The following STX18 variants were observed in gnomAD, a reference collection of about 807,000 sequenced individuals.
STX18 encodes the protein syntaxin 18, also known as syntaxin-18.
In STX18, 40 loss-of-function variants were observed where a neutral mutation model predicts 50.1. The ratio of observed to expected loss-of-function variants is 0.80; its 90% CI spans 0.62 to 1.04. The LOEUF is 1.04. STX18 is among the 50% of genes least tolerant of loss of function. The probability of loss-of-function intolerance (pLI) is 0.00; values close to 1 mark genes in which losing one functional copy is unlikely to be tolerated. For synonymous variants in STX18, 158 were observed against 151.8 expected (o/e 1.04, Z -0.30); for missense variants, 410 against 415.8 (o/e 0.99, Z 0.12).
chr4:4,516,461 G>GA (rs1730272276), intron 1 of STX18, among the ~76,000 whole-genome samples: 1 of 151,988 alleles, frequency 6.6e-6, no homozygotes, highest in South Asian at 2.1e-4. Flanking sequence ...AGTTTTGGAG[G>GA]AAAAAATTGA....
At chr4:4,465,562 G>A (rs1349874197) in intron 2 of STX18, among the ~76,000 whole-genome samples, 1 of 152,110 alleles carries the variant, frequency 6.6e-6, no homozygotes, top group African/African-American at 2.4e-5. Flanking sequence ...TTATGGGAAC[G>A]CATGGACATG....
At chr4:4,454,256 T>C (rs941334875) in intron 5 of STX18, among the ~76,000 whole-genome samples, 2 of 152,224 alleles carry the variant, frequency 1.3e-5, no homozygotes, top group African/African-American at 4.8e-5. Context: ...CACATCATTA[T>C]TTCCCTCAAG....
intron 1 of STX18, among the ~76,000 whole-genome samples, chr4:4,529,319 G>A (rs767318395): frequency 4.6e-5 from 7 of 152,114 alleles, no homozygotes; most frequent in Non-Finnish European, 2.9e-5. Flanking sequence ...TCAAGATCGC[G>A]CCACTGCACT....
At chr4:4,517,563 A>C (rs921482353) in intron 1 of STX18, among the ~76,000 whole-genome samples, 1 of 152,200 alleles carries the variant, frequency 6.6e-6, no homozygotes, top group Non-Finnish European at 1.5e-5. Context: ...AAAATCTAGC[A>C]ATTTTACTAA....
chr4:4,422,199 G>C (rs191844774), intron 9 of STX18, among the ~76,000 whole-genome samples: 1 of 152,194 alleles, frequency 6.6e-6, no homozygotes, highest in African/African-American at 2.4e-5. Context: ...AGGTTCCAAT[G>C]AGAGAATCAA....
rs1724893744 is a variant in STX18 at position 4,420,680 on chromosome 4, G to A, written c.912+184C>T. On this transcript the variant is annotated intron_variant, in intron 10 of 10. Coordinates refer to ENST00000306200, the MANE Select transcript of STX18 (RefSeq NM_016930.4). The surrounding 1 kb of genome is among the most constrained non-coding windows in gnomAD (Gnocchi z 4.3). ...GAGCCACTGCCTCTCGAAAGCAGCT[G>A]GAGGTGGGCGACAGGTGGTGGGTCT... 1.7e-6 allele frequency: 1 copy of A among 595,766 alleles called. No individual in the cohort carries two copies. Among genetic ancestry groups the A allele is most frequent in the African/African-American group, 1.9e-5 (1 of 53,434 alleles). 36.9% of individuals were successfully genotyped at this position (595,766 alleles called of 1,614,324 possible). A position where few individuals can be genotyped will look rare whatever the true frequency, so the allele number is the denominator to read the frequency against.
chr4:4,476,649 A>G (rs577958180), intron 1 of STX18, among the ~76,000 whole-genome samples: 1 of 152,344 alleles, frequency 6.6e-6, no homozygotes, highest in African/African-American at 2.4e-5. Flanking sequence ...TGTAATAATG[A>G]TATTATGTAC....
At chr4:4,454,473 G>A (rs1205341468) in intron 5 of STX18, among the ~76,000 whole-genome samples, 3 of 152,196 alleles carry the variant, frequency 2.0e-5, no homozygotes, top group African/African-American at 7.2e-5. Context: ...ACTTGGGATA[G>A]TGAAGGAGAA....
Position 4,438,529 on chromosome 4 carries a change from A to G in STX18, c.498-20T>C. On this transcript the variant is annotated intron_variant, in intron 5 of 10. Transcript: ENST00000306200. The stretch of plus-strand genomic sequence containing the variant: ...TTAGATCTAAAAATAAATAATTAGC[A>G]GGCAGGTATTTTATTTCCATAACAG... 2 of 1,566,444 alleles carry G rather than the reference A, an allele frequency of 1.3e-6. No homozygotes were observed. Among genetic ancestry groups the G allele is most frequent in the Non-Finnish European group, 1.8e-6 (2 of 1,142,136 alleles).
chr4:4,484,141 T>G (rs10011910), intron 1 of STX18, among the ~76,000 whole-genome samples: 1 of 152,108 alleles, frequency 6.6e-6, no homozygotes, highest in Non-Finnish European at 1.5e-5. Context: ...GGATTACAGG[T>G]GTGAGCCACC....
chr4:4,518,023 T>C (rs561775407), intron 1 of STX18, among the ~76,000 whole-genome samples: 1 of 152,210 alleles, frequency 6.6e-6, no homozygotes, highest in Non-Finnish European at 1.5e-5. Context: ...TCCGCCTGCC[T>C]TGGCCTCCCA....
At chr4:4,507,656 C>A (rs2108887359) in intron 1 of STX18, 2 of 783,340 alleles carry the variant, frequency 2.6e-6, no homozygotes, top group Non-Finnish European at 2.3e-6. Flanking sequence ...TGGCAGCCGG[C>A]TCATAAAGGT....
At chr4:4,438,546 C>T in intron 5 of STX18, 37 bp from the exon 6 acceptor site, 1 of 1,509,280 alleles carries the variant, frequency 6.6e-7, no homozygotes, top group African/African-American at 1.4e-5. Flanking sequence ...TATTTTATTT[C>T]CATAACAGGA....
Position 4,461,207 on chromosome 4 carries a change from T to C in STX18, c.237-1720A>G, listed in dbSNP as rs368068564. Among the ~76,000 whole-genome samples the C allele has an allele frequency of 1.7e-4, 26 of 152,282 alleles. No individual in the cohort carries two copies. In the South Asian group the frequency reaches 5.2e-3, roughly 30 times the overall value. Reference sequence around the variant, plus strand: ...AAAGGTAATGTTCCTTTAGGAAACATTATATATATACATTAACCTTCTAAA... The same window carrying C: ...AAAGGTAATGTTCCTTTAGGAAACACTATATATATACATTAACCTTCTAAA... On this transcript the variant is annotated intron_variant, in intron 2 of 10. Transcript: ENST00000306200.
rs773836318 is a variant in STX18 at position 4,541,975 on chromosome 4, A to G, written c.-11T>C. ...GATGTCCACCGCCATAGCGACCCGC[A>G]CCCTCAGCCCCACACTAGGCCCGCC... On this transcript the variant is annotated 5_prime_UTR_variant, in exon 1 of 11. Coordinates refer to ENST00000306200, the MANE Select transcript of STX18 (RefSeq NM_016930.4). 8 of 1,594,624 alleles carry G rather than the reference A, an allele frequency of 5.0e-6. No homozygotes were observed. In the East Asian group the frequency reaches 1.8e-4, roughly 37 times the overall value.
At chr4:4,425,510 C>G in intron 7 of STX18, 1 of 535,464 alleles carries the variant, frequency 1.9e-6, no homozygotes, top group Non-Finnish European at 3.3e-6. Flanking sequence ...TATCTACCTA[C>G]CCGCTCTCCC....
chr4:4,467,876 A>C (rs1254898174), intron 2 of STX18, among the ~76,000 whole-genome samples: 1 of 152,210 alleles, frequency 6.6e-6, no homozygotes, highest in African/African-American at 2.4e-5. Context: ...CAAAGAGGCA[A>C]AAATGAGTGG....
chr4:4,493,058 T>G (rs1283962885), intron 1 of STX18, among the ~76,000 whole-genome samples: 2 of 152,232 alleles, frequency 1.3e-5, no homozygotes, highest in Admixed American at 6.5e-5. Flanking sequence ...AAGATATTGC[T>G]GATCATGTCA....
At chr4:4,480,467 C>A (rs1312263896) in intron 1 of STX18, among the ~76,000 whole-genome samples, 2 of 152,160 alleles carry the variant, frequency 1.3e-5, no homozygotes, top group African/African-American at 2.4e-5. Context: ...CTCCTAAAGG[C>A]TTCCCTGCTA....
Sources: allele counts gnomAD v4.1 joint callset (sites outside exome capture counted in the v4.1 genomes callset), GRCh38; gene constraint gnomAD v4.1.1; non-coding constraint Gnocchi (gnomAD v3.1); transcripts MANE v1.5; gene names NCBI Gene and HGNC (gene_info 2026-07-23, HGNC 2026-07-21).